Variants in CDKL4 observed in about 807,000 individuals in gnomAD.
The protein encoded by CDKL4 is cyclin-dependent kinase-like 4.
CDKL4 carries 44 observed loss-of-function variants against 42.0 expected under a neutral mutation model. The ratio of observed to expected loss-of-function variants is 1.05; its 90% CI spans 0.82 to 1.35. The LOEUF (loss-of-function observed/expected upper bound fraction) is 1.35. CDKL4 is among the 40% of genes most tolerant of loss of function. The pLI, the probability that CDKL4 is intolerant of heterozygous loss-of-function variation, is 0.00. For missense variants in CDKL4, 393 were observed against 369.9 expected, an observed-to-expected ratio of 1.06 and a Z score of -0.51; for synonymous variants, 120 against 121.6, an observed-to-expected ratio of 0.99 and a Z score of 0.09.
At chr2:39,179,449 G>A (rs1351325325) in intron 8 of CDKL4, 128 bp from the exon 9 acceptor site, 3 of 712,864 alleles carry the variant, frequency 4.2e-6, no homozygotes, top group Non-Finnish European at 4.3e-6. Flanking sequence ...GTATTATCAA[G>A]TAGTTGGAGC....
chr2:39,187,528 G>C lies in CDKL4; in HGVS notation c.735+99C>G, dbSNP rs1435987921. The C allele has an allele frequency of 6.0e-6, 5 of 838,152 alleles. No homozygotes were observed. The Admixed American group carries it at 1.1e-4, about 18-fold the overall frequency. The allele number at this position is 838,152 out of a possible 1,614,324, so 51.9% of individuals were successfully genotyped here. A position where few individuals can be genotyped will look rare whatever the true frequency, so the allele number is the denominator to read the frequency against. ...CCACTGCACTCCAGCCTTGGTGACA[G>C]AGTGAGACATCATCTCAAAATAAAT... is the stretch of plus-strand genomic sequence containing the variant. On this transcript the variant is annotated intron_variant, in intron 7 of 9. Transcript: ENST00000451199.
intron 2 of CDKL4, among the ~76,000 whole-genome samples, chr2:39,227,411 A>G (rs1678818039): frequency 6.6e-6 from 1 of 152,200 alleles, no homozygotes; most frequent in Non-Finnish European, 1.5e-5. Context: ...TGACCAAAAC[A>G]AATGTCACCC....
At chr2:39,181,633 G>A (rs1675442682) in intron 8 of CDKL4, among the ~76,000 whole-genome samples, 1 of 152,164 alleles carries the variant, frequency 6.6e-6, no homozygotes, top group South Asian at 2.1e-4. Flanking sequence ...TGAAGACAAG[G>A]TCATAATGGC....
chr2:39,213,515 G>C, intron 3 of CDKL4, 43 bp from the exon 4 acceptor site: 2 of 1,376,666 alleles, frequency 1.5e-6, no homozygotes, highest in Non-Finnish European at 2.1e-6. Flanking sequence ...TCATAGGATA[G>C]AGTTCCAGAA....
At chr2:39,189,021 G>A (rs916029788) in intron 6 of CDKL4, among the ~76,000 whole-genome samples, 1 of 152,168 alleles carries the variant, frequency 6.6e-6, no homozygotes, top group Non-Finnish European at 1.5e-5. Flanking sequence ...TTTAAACTCA[G>A]GTATGTAATG....
At chr2:39,244,394 G>A (rs1005971325), upstream of CDKL4, among the ~76,000 whole-genome samples, 1 of 152,240 alleles carries the variant, frequency 6.6e-6, no homozygotes, top group African/African-American at 2.4e-5. Flanking sequence ...TGCCGACCCC[G>A]GGCAATGAGG....
chr2:39,242,695 A>G (rs907875998), intron 1 of CDKL4, among the ~76,000 whole-genome samples: 9 of 152,336 alleles, frequency 5.9e-5, no homozygotes, highest in African/African-American at 1.9e-4. Flanking sequence ...ATACAATGAA[A>G]GAAGGAAAAC....
At chr2:39,208,500 C>T (rs1677351981) in intron 4 of CDKL4, among the ~76,000 whole-genome samples, 1 of 152,036 alleles carries the variant, frequency 6.6e-6, no homozygotes, top group South Asian at 2.1e-4. Context: ...ACCACCACGC[C>T]TGGCTAATTT....
At chr2:39,192,252 A>G (rs1424729603) in intron 5 of CDKL4, among the ~76,000 whole-genome samples, 2 of 152,348 alleles carry the variant, frequency 1.3e-5, no homozygotes, top group East Asian at 3.9e-4. Flanking sequence ...GAAAAAATAC[A>G]TAAGGAAACA....
intron 4 of CDKL4, among the ~76,000 whole-genome samples, chr2:39,208,013 A>G (rs928740913): frequency 1.3e-5 from 2 of 152,058 alleles, no homozygotes; most frequent in Non-Finnish European, 2.9e-5. Context: ...GATGCAGGAG[A>G]ATCACTTGAA....
intron 7 of CDKL4, 37 bp from the exon 8 acceptor site, chr2:39,184,684 G>A: frequency 7.1e-7 from 1 of 1,405,644 alleles, no homozygotes. Flanking sequence ...TATTACATAA[G>A]AACAAAGTAA....
intron 3 of CDKL4, among the ~76,000 whole-genome samples, chr2:39,221,621 G>C (rs1678377605): frequency 6.6e-6 from 1 of 152,160 alleles, no homozygotes; most frequent in Non-Finnish European, 1.5e-5. Flanking sequence ...TGAAGTCTCA[G>C]GGCTGACGCA....
At chr2:39,226,378 T>G (rs1471773827) in intron 2 of CDKL4, among the ~76,000 whole-genome samples, 1 of 148,238 alleles carries the variant, frequency 6.7e-6, no homozygotes, top group Non-Finnish European at 1.5e-5. Flanking sequence ...AACTGTCTAT[T>G]CTAGAAGTCC....
the CDKL4 span, among the ~76,000 whole-genome samples, chr2:39,168,818 G>T: frequency 6.7e-6 from 1 of 148,790 alleles, no homozygotes; most frequent in East Asian, 2.0e-4. Context: ...GTGCAGTGGC[G>T]CAATCTCAGC....
chr2:39,226,445 T>TTA (rs370922997), intron 2 of CDKL4, among the ~76,000 whole-genome samples: 1 of 99,518 alleles, frequency 1.0e-5, no homozygotes, highest in Non-Finnish European at 2.6e-5. Flanking sequence ...ATTATATATA[T>TTA]TATATATATA....
At chr2:39,234,504 G>A (rs1434940761) in intron 1 of CDKL4, among the ~76,000 whole-genome samples, 1 of 152,114 alleles carries the variant, frequency 6.6e-6, no homozygotes, top group Non-Finnish European at 1.5e-5. Flanking sequence ...TGTACAACTG[G>A]AGTCCCTGAA....
At chr2:39,242,019 G>A (rs370246608) in intron 1 of CDKL4, among the ~76,000 whole-genome samples, 1 of 151,230 alleles carries the variant, frequency 6.6e-6, no homozygotes, top group Non-Finnish European at 1.5e-5. Context: ...TCAGTTGGTT[G>A]AAAATAGTTT....
chr2:39,213,646 T>C (rs1288939733), intron 3 of CDKL4, among the ~76,000 whole-genome samples, 174 bp from the exon 4 acceptor site: 1 of 152,280 alleles, frequency 6.6e-6, no homozygotes, highest in South Asian at 2.1e-4. Flanking sequence ...TTATTATGGT[T>C]ATGTAATTTC....
intron 9 of CDKL4, among the ~76,000 whole-genome samples, chr2:39,177,405 T>G (rs1398108827): frequency 6.8e-6 from 1 of 146,198 alleles, no homozygotes; most frequent in Non-Finnish European, 1.5e-5. Flanking sequence ...TCCAGTGAGT[T>G]TTTTTTTTTT....
Sources: gnomAD v4.1 joint callset for allele counts (sites outside exome capture counted in the v4.1 genomes callset) on GRCh38, gnomAD v4.1.1 for gene constraint, MANE v1.5 for transcripts, NCBI Gene and HGNC (gene_info 2026-07-23, HGNC 2026-07-21) for gene names.